The following RANBP2 variants were observed in gnomAD, a reference collection of about 807,000 sequenced individuals.
The protein encoded by RANBP2 is E3 SUMO-protein ligase RanBP2.
Under a neutral mutation model 303.6 loss-of-function variants are expected in RANBP2, and 57 were observed. That is an observed-to-expected ratio of 0.19 (90% CI 0.15 to 0.23). The LOEUF (loss-of-function observed/expected upper bound fraction) is 0.23, where lower values mean the gene tolerates loss of function less well. Ranked by LOEUF, RANBP2 falls within the 10% of genes least tolerant of loss-of-function variation. The probability of loss-of-function intolerance (pLI) is 1.00; values close to 1 mark genes in which losing one functional copy is unlikely to be tolerated. For synonymous variants in RANBP2, 1,167 were observed against 1,301.5 expected (o/e 0.90, Z 2.23); for missense variants, 3,138 against 3,780.8 (o/e 0.83, Z 4.46).
the RANBP2 span, among the ~76,000 whole-genome samples, chr2:109,552,019 C>CA: frequency 2.0e-5 from 3 of 152,190 alleles, no homozygotes; most frequent in African/African-American, 7.2e-5. Flanking sequence ...GAGTGGCGGG[C>CA]AAACAAGCAT....
the RANBP2 span, among the ~76,000 whole-genome samples, chr2:108,875,870 A>G: frequency 1.3e-5 from 2 of 152,102 alleles, no homozygotes; most frequent in African/African-American, 4.8e-5. Context: ...AAGAAAAAAA[A>G]GTTTTCTTTT....
chr2:109,186,037 T>C, the RANBP2 span, among the ~76,000 whole-genome samples: 1 of 152,248 alleles, frequency 6.6e-6, no homozygotes, highest in Admixed American at 6.5e-5. Flanking sequence ...GTCACTGGGA[T>C]CCTGTTTTGT....
chr2:108,897,933 G>GC, the RANBP2 span, among the ~76,000 whole-genome samples: 1 of 152,154 alleles, frequency 6.6e-6, no homozygotes, highest in Non-Finnish European at 1.5e-5. Flanking sequence ...ACCTTAGGAT[G>GC]GTGATGGTGG....
chr2:109,242,390 G>A, the RANBP2 span, among the ~76,000 whole-genome samples: 6 of 152,248 alleles, frequency 3.9e-5, no homozygotes, highest in East Asian at 3.9e-4. Flanking sequence ...GTCGTGCCTC[G>A]TTGCAGATGG....
At chr2:109,230,400 AACCCCATCTT>A in the RANBP2 span, among the ~76,000 whole-genome samples, 1 of 151,294 alleles carries the variant, frequency 6.6e-6, no homozygotes. Context: ...AACATGGTGA[AACCCCATCTT>A]TACTAAAAAA....
chr2:108,839,813 AAC>A, the RANBP2 span, among the ~76,000 whole-genome samples: 1 of 151,958 alleles, frequency 6.6e-6, no homozygotes, highest in Non-Finnish European at 1.5e-5. Context: ...TGCAAATGAA[AAC>A]AGTGTTGTGT....
the RANBP2 span, among the ~76,000 whole-genome samples, chr2:109,202,366 T>A: frequency 6.6e-6 from 1 of 152,174 alleles, no homozygotes; most frequent in East Asian, 1.9e-4. Flanking sequence ...CTTTCCACTC[T>A]CTGTTTGAGA....
chr2:108,749,978 C>T (rs879017105), intron 9 of RANBP2, among the ~76,000 whole-genome samples: 2 of 152,068 alleles, frequency 1.3e-5, no homozygotes, highest in South Asian at 2.1e-4. Flanking sequence ...GGTGAAACCC[C>T]GTCTCTACTA....
chr2:108,939,484 A>G, the RANBP2 span, among the ~76,000 whole-genome samples: 1 of 152,132 alleles, frequency 6.6e-6, no homozygotes, highest in Non-Finnish European at 1.5e-5. Context: ...CCAGGTGGGG[A>G]GGTCAGGAGG....
At chr2:109,338,063 G>A in the RANBP2 span, among the ~76,000 whole-genome samples, 1 of 152,144 alleles carries the variant, frequency 6.6e-6, no homozygotes, top group Non-Finnish European at 1.5e-5. Context: ...TTGCCAGTCT[G>A]TGTGTCATGT....
the RANBP2 span, among the ~76,000 whole-genome samples, chr2:109,321,133 CAAG>C: frequency 1.1e-3 from 171 of 152,360 alleles, 1 homozygote; most frequent in African/African-American, 3.9e-3. Context: ...CACGGACACA[CAAG>C]ACGCCATGTG....
At chr2:108,844,251 G>A in the RANBP2 span, among the ~76,000 whole-genome samples, 3 of 152,022 alleles carry the variant, frequency 2.0e-5, no homozygotes, top group African/African-American at 7.2e-5. Context: ...TTGAAGTTCT[G>A]GTGGTTGTTG....
chr2:109,490,220 T>C, the RANBP2 span, among the ~76,000 whole-genome samples: 31 of 152,230 alleles, frequency 2.0e-4, no homozygotes, highest in African/African-American at 6.5e-4. Flanking sequence ...CCTTGGAAAA[T>C]AGAAATAATG....
At chr2:108,800,981 T>G in the RANBP2 span, among the ~76,000 whole-genome samples, 5 of 72,304 alleles carry the variant, frequency 6.9e-5, no homozygotes, top group East Asian at 1.2e-3. Context: ...GGCTGCATAG[T>G]ATTCCATGGT....
the RANBP2 span, among the ~76,000 whole-genome samples, chr2:109,249,513 CTTTCTT>C: frequency 9.2e-5 from 4 of 43,614 alleles, no homozygotes; most frequent in Non-Finnish European, 1.3e-4. Flanking sequence ...TTCTTTCATT[CTTTCTT>C]TTTCTTTCTT....
At chr2:109,117,715 C>T in the RANBP2 span, among the ~76,000 whole-genome samples, 47 of 148,728 alleles carry the variant, frequency 3.2e-4, no homozygotes, top group Non-Finnish European at 5.8e-4. Context: ...AGAAATCACC[C>T]GTCTTCTGCG....
the RANBP2 span, among the ~76,000 whole-genome samples, chr2:109,159,011 G>A: frequency 6.6e-6 from 1 of 152,346 alleles, no homozygotes; most frequent in Non-Finnish European, 1.5e-5. Flanking sequence ...CAGCTACTTG[G>A]GAGGCTGAGG....
chr2:109,593,918 TAA>T, the RANBP2 span, among the ~76,000 whole-genome samples: 1 of 152,228 alleles, frequency 6.6e-6, no homozygotes, highest in Non-Finnish European at 1.5e-5. Context: ...GCTAGCTCAT[TAA>T]GTTTATTTTC....
the RANBP2 span, among the ~76,000 whole-genome samples, chr2:109,342,987 C>T: frequency 6.6e-6 from 1 of 152,092 alleles, no homozygotes; most frequent in Non-Finnish European, 1.5e-5. Context: ...ATAATGGCGG[C>T]TTAGTGACAA....
Sources: allele counts gnomAD v4.1 joint callset (sites outside exome capture counted in the v4.1 genomes callset), GRCh38; gene constraint gnomAD v4.1.1; transcripts MANE v1.5; gene names NCBI Gene and HGNC (gene_info 2026-07-23, HGNC 2026-07-21).